The following CYP4V2 variants were observed in gnomAD, a reference collection of about 807,000 sequenced individuals.
CYP4V2 encodes cytochrome P450 4V2.
In CYP4V2, 55 loss-of-function variants were observed where a neutral mutation model predicts 60.8. That is an observed-to-expected ratio of 0.90 (90% CI 0.73 to 1.13). The LOEUF (loss-of-function observed/expected upper bound fraction) is 1.13. Among genes scored for constraint, CYP4V2 ranks in the 50% most tolerant of loss-of-function variants. The pLI is 0.00. For missense variants in CYP4V2, 675 were observed against 662.9 expected, an observed-to-expected ratio of 1.02 and a Z score of -0.20; for synonymous variants, 239 against 236.8, an observed-to-expected ratio of 1.01 and a Z score of -0.08.
rs148905113 is a variant in CYP4V2 at position 186,210,056 on chromosome 4, C to T, written c.1406-413C>T. Reference sequence around the variant, plus strand: ...ACATCACCACCCTGCATTATAAACCCTTTTGGTTTTAGTATCTCTAGCATT... The same window carrying T: ...ACATCACCACCCTGCATTATAAACCTTTTTGGTTTTAGTATCTCTAGCATT... On this transcript the variant is annotated intron_variant, in intron 10 of 10. Coordinates refer to ENST00000378802, the MANE Select transcript of CYP4V2 (RefSeq NM_207352.4). 3.3e-5 allele frequency among the ~76,000 whole-genome samples: 5 copies of T among 152,262 alleles called. No individual in the cohort carries two copies. The East Asian group carries it at 9.6e-4, about 29-fold the overall frequency.
chr4:186,203,165 T>C (rs72710537), intron 7 of CYP4V2: 30,687 of 85,720 alleles, frequency 0.36, 3,521 homozygotes, highest in South Asian at 0.53. Context: ...CACATTCATA[T>C]ATGTGCACAA....
Position 186,208,909 on chromosome 4 carries a change from C to T in CYP4V2, c.1135C>T (p.Arg379Trp), listed in dbSNP as rs773125864. 1.2e-5 allele frequency: 20 copies of T among 1,614,082 alleles called. No homozygotes were observed. Among genetic ancestry groups the T allele is most frequent in the Middle Eastern group, 1.6e-4 (1 of 6,084 alleles). ...TACAGTAGAAGACCTGAAGAAACTTCGGTATCTGGAATGTGTTATTAAGGA... is the reference window on the plus strand; with the variant it reads ...TACAGTAGAAGACCTGAAGAAACTTTGGTATCTGGAATGTGTTATTAAGGA... Reference protein sequence around the residue: ...PATVEDLKKLRYLECVIKETL... With the variant: ...PATVEDLKKLWYLECVIKETL... Residue 379 changes from arginine to tryptophan, a missense_variant, in exon 9 of 11, where the codon CGG becomes TGG. Transcript: ENST00000378802.
intron 1 of CYP4V2, chr4:186,192,258 A>T (rs1169194493): frequency 2.8e-6 from 2 of 715,794 alleles, no homozygotes; most frequent in Non-Finnish European, 5.0e-6. Context: ...GTAGCACAGG[A>T]TGCGGTATTT....
chr4:186,210,519 A>G lies in CYP4V2; in HGVS notation c.1456A>G (p.Arg486Gly), dbSNP rs780862605. The change falls in exon 11 of 11, where the codon AGG becomes GGG. Residue 486 changes from arginine to glycine, a missense_variant. Physicochemically the swap from Arg to Gly is moderately radical, Grantham distance 125. Coordinates refer to ENST00000378802, the MANE Select transcript of CYP4V2 (RefSeq NM_207352.4). The part of the protein sequence containing the change: ...EEKTILSCIL[R>G]HFWIESNQKR... ...AAAGACCATTCTTTCGTGCATCCTG[A>G]GGCACTTTTGGATAGAATCCAACCA... 1 of 1,614,190 alleles carries G rather than the reference A, an allele frequency of 6.2e-7. No homozygotes were observed. The highest frequency in any genetic ancestry group is 8.5e-7 in the Non-Finnish European group (1 of 1,180,026).
intron 3 of CYP4V2, chr4:186,196,447 A>G (rs1736149247): frequency 2.9e-6 from 1 of 347,036 alleles, no homozygotes; most frequent in Non-Finnish European, 5.5e-6. Flanking sequence ...GGTCAGCCCC[A>G]GAGAAGTACA....
chr4:186,206,879 A>T lies in CYP4V2; in HGVS notation c.1090+1577A>T, dbSNP rs975749462. The stretch of plus-strand genomic sequence containing the variant: ...TTTAACACTGATTTTAGTTTTGCTT[A>T]GATTGCCTTGAGTGGATAAATTTGG... On this transcript the variant is annotated intron_variant, in intron 8 of 10. Transcript: ENST00000378802. Among the ~76,000 whole-genome samples, 5 of 152,210 alleles carry T rather than the reference A, an allele frequency of 3.3e-5. 1 individual carries two copies. The highest frequency in any genetic ancestry group is 4.1e-4 in the South Asian group (2 of 4,832).
chr4:186,191,912 T>G lies in CYP4V2; in HGVS notation c.89T>G (p.Val30Gly). Residue 30 changes from valine (V) to glycine (G), a missense_variant, in exon 1 of 11, where the codon GTC becomes GGC. Val to Gly is a moderately radical substitution (Grantham distance 109, BLOSUM62 -3). Coordinates refer to ENST00000378802, the MANE Select transcript of CYP4V2 (RefSeq NM_207352.4). Reference protein sequence around the residue: ...SALSLAGASLVLSLLQRVASY... With the variant: ...SALSLAGASLGLSLLQRVASY... ...CTTTCCCTGGCCGGCGCCAGTCTGG[T>G]CCTGAGCCTGCTGCAGAGGGTGGCG... 1.3e-6 allele frequency: 2 copies of G among 1,594,044 alleles called. No individual in the cohort carries two copies. The highest frequency in any genetic ancestry group is 1.7e-6 in the Non-Finnish European group (2 of 1,173,714).
chr4:186,207,412 C>CAA (rs10651706), intron 8 of CYP4V2, among the ~76,000 whole-genome samples: 18 of 117,870 alleles, frequency 1.5e-4, no homozygotes, highest in South Asian at 5.7e-4. Context: ...ACTCTGTCTC[C>CAA]AAAAAAAAAA....
chr4:186,197,376 G>A (rs559709813), intron 4 of CYP4V2, 157 bp from the exon 5 acceptor site: 26 of 886,248 alleles, frequency 2.9e-5, no homozygotes. Flanking sequence ...GAGTAGAAGT[G>A]GACCGTACAA....
At chr4:186,196,854 T>C in intron 3 of CYP4V2, 86 bp from the exon 4 acceptor site, 3 of 1,389,204 alleles carry the variant, frequency 2.2e-6, no homozygotes, top group South Asian at 2.5e-5. Flanking sequence ...GCTATATTTA[T>C]GCTTTAATCG....
Position 186,197,540 on chromosome 4 carries a change from T to C in CYP4V2, c.612T>C (p.Ala204=). 1.2e-6 allele frequency: 2 copies of C among 1,614,216 alleles called. No homozygotes were observed. The highest frequency in any genetic ancestry group is 1.7e-6 in the Non-Finnish European group (2 of 1,180,036). Residue 204 remains alanine, a synonymous_variant, in exon 5 of 11, where the codon GCT becomes GCC. Transcript: ENST00000378802. ...LCALDIICET[A]MGKNIGAQSN... is the part of the protein sequence containing the mutation. ...CTCACCCATATTTTATAGAAACAGC[T>C]ATGGGGAAGAATATTGGTGCTCAAA... is the stretch of plus-strand genomic sequence containing the variant.
chr4:186,210,574 A>T lies in CYP4V2; in HGVS notation c.1511A>T (p.Gln504Leu). ...QKREELGLEGQLILRPSNGIW... is the reference protein window; with the variant it reads ...QKREELGLEGLLILRPSNGIW... ...AGAGAAGAGCTTGGTCTAGAAGGAC[A>T]GTTGATTCTTCGTCCAAGTAATGGC... The change falls in exon 11 of 11, where the codon CAG (glutamine) becomes CTG (leucine). Residue 504 changes from glutamine to leucine, a missense_variant. Transcript: ENST00000378802. The T allele has an allele frequency of 6.2e-7, 1 of 1,614,212 alleles. No individual in the cohort carries two copies. The highest frequency in any genetic ancestry group is 2.2e-5 in the East Asian group (1 of 44,868).
rs1256187484 is a variant in CYP4V2 at position 186,197,602 on chromosome 4, G to C, written c.674G>C (p.Arg225Thr). The change falls in exon 5 of 11, where the codon AGA becomes ACA. Residue 225 changes from arginine (R) to threonine (T), a missense_variant and splice_region_variant. Physicochemically the swap from Arg to Thr is moderately conservative, Grantham distance 71. Coordinates refer to ENST00000378802, the MANE Select transcript of CYP4V2 (RefSeq NM_207352.4). ...TCCGAGTATGTCCGTGCAGTTTATAGGTAAATGGAGTCCTTTCAGTTATTT... is the reference window on the plus strand; with the variant it reads ...TCCGAGTATGTCCGTGCAGTTTATACGTAAATGGAGTCCTTTCAGTTATTT... The part of the protein sequence containing the change: ...DDSEYVRAVY[R>T]MSEMIFRRIK... 3.1e-6 allele frequency: 5 copies of C among 1,613,842 alleles called. No individual in the cohort carries two copies. Among genetic ancestry groups the C allele is most frequent in the African/African-American group, 1.3e-5 (1 of 74,926 alleles).
chr4:186,192,550 G>T (rs1447720534), intron 1 of CYP4V2, among the ~76,000 whole-genome samples: 2 of 152,188 alleles, frequency 1.3e-5, no homozygotes, highest in Non-Finnish European at 1.5e-5. Context: ...GCCCTTTAAA[G>T]GATGTTACAT....
Position 186,196,949 on chromosome 4 carries a change from C to T in CYP4V2, c.423C>T (p.Asn141=), listed in dbSNP as rs370950185. The T allele has an allele frequency of 2.5e-5, 40 of 1,612,832 alleles. No individual in the cohort carries two copies. The highest frequency in any genetic ancestry group is 3.8e-4 in the Middle Eastern group (2 of 5,302). ...CATATTTTATTTCTAGTACTGGAAACAAATGGCGCTCCAGGAGAAAGATGT... is the reference window on the plus strand; with the variant it reads ...CATATTTTATTTCTAGTACTGGAAATAAATGGCGCTCCAGGAGAAAGATGT... ...LGLGLLTSTG[N]KWRSRRKMLT... is the part of the protein sequence containing the mutation. The change falls in exon 4 of 11, where the codon AAC becomes AAT. Residue 141 remains asparagine, a synonymous_variant. Coordinates refer to ENST00000378802, the MANE Select transcript of CYP4V2 (RefSeq NM_207352.4).
intron 6 of CYP4V2, among the ~76,000 whole-genome samples, chr4:186,199,809 CTT>C (rs1465624813): frequency 6.6e-6 from 1 of 152,130 alleles, no homozygotes; most frequent in African/African-American, 2.4e-5. Context: ...AAAAGCAAGA[CTT>C]AATTGAAAAT....
Position 186,195,986 on chromosome 4 carries a change from G to A in CYP4V2, c.328-17G>A. 2 of 1,573,958 alleles carry A rather than the reference G, an allele frequency of 1.3e-6. No homozygotes were observed. Among genetic ancestry groups the A allele is most frequent in the Non-Finnish European group, 1.7e-6 (2 of 1,144,126 alleles). On this transcript the variant is annotated splice_polypyrimidine_tract_variant and intron_variant, in intron 2 of 10. Transcript: ENST00000378802. This position sits in a 1 kb window ranked among gnomAD's most constrained non-coding sequence, Gnocchi z 4.1. ...TGATGTCTGTATGTCTCTAAAGTAT[G>A]TTTTTCTCTTCCTAAGGTAATTTTA... is the stretch of plus-strand genomic sequence containing the variant.
intron 6 of CYP4V2, among the ~76,000 whole-genome samples, chr4:186,199,943 C>T (rs1736260078): frequency 6.6e-6 from 1 of 151,976 alleles, no homozygotes; most frequent in Non-Finnish European, 1.5e-5. Flanking sequence ...ACACCCTACC[C>T]CCAAGAGAGC....
rs553484886 is a variant in CYP4V2, at chr4:186,192,030, C to A, written c.207C>A (p.Asp69Glu). The part of the protein sequence containing the change: ...LVGHALLMKP[D>E]GREFFQQIIE... ...GCCACGCGCTGCTGATGAAGCCGGA[C>A]GGGCGAGGTAAGGGCCGGCGCTCCT... The change falls in exon 1 of 11, where the codon GAC (aspartate) becomes GAA (glutamate). Residue 69 changes from aspartate to glutamate, a missense_variant. By Grantham distance (45) the Asp-to-Glu change is conservative (BLOSUM62 2). Coordinates refer to ENST00000378802, the MANE Select transcript of CYP4V2 (RefSeq NM_207352.4). 2 of 1,576,530 alleles carry A rather than the reference C, an allele frequency of 1.3e-6. No homozygotes were observed. The highest frequency in any genetic ancestry group is 3.6e-5 in the Admixed American group (2 of 56,156).
Sources: gnomAD v4.1 joint callset for allele counts (sites outside exome capture counted in the v4.1 genomes callset) on GRCh38, gnomAD v4.1.1 for gene constraint, Gnocchi (gnomAD v3.1) non-coding constraint, MANE v1.5 for transcripts, NCBI Gene and HGNC (gene_info 2026-07-23, HGNC 2026-07-21) for gene names.